The following SCNN1A variants were observed in gnomAD, a reference collection of about 807,000 sequenced individuals.
SCNN1A encodes the protein sodium channel epithelial 1 subunit alpha.
SCNN1A carries 65 observed loss-of-function variants against 68.6 expected under a neutral mutation model. The observed-to-expected ratio is 0.95, with a 90% CI of 0.78 to 1.16. The LOEUF (loss-of-function observed/expected upper bound fraction) is 1.16. SCNN1A is among the 50% of genes most tolerant of loss of function. SCNN1A has a pLI of 0.00. For synonymous variants in SCNN1A, 357 were observed against 353.3 expected (o/e 1.01, Z -0.12); for missense variants, 880 against 865.9 (o/e 1.02, Z -0.20).
chr12:6,359,094 G>A (rs1356955390), intron 4 of SCNN1A, among the ~76,000 whole-genome samples: 1 of 152,100 alleles, frequency 6.6e-6, no homozygotes, highest in Non-Finnish European at 1.5e-5. Flanking sequence ...TTGGAGGAGG[G>A]GAGAAAATGG....
At chr12:6,373,292 C>G (rs1326646434) in intron 2 of SCNN1A, among the ~76,000 whole-genome samples, 1 of 152,062 alleles carries the variant, frequency 6.6e-6, no homozygotes, top group African/African-American at 2.4e-5. Context: ...CACACACACT[C>G]ACACCCACAC....
intron 2 of SCNN1A, among the ~76,000 whole-genome samples, chr12:6,371,989 G>T (rs1023548107): frequency 1.3e-5 from 2 of 151,916 alleles, no homozygotes. Flanking sequence ...TAGAGACGGG[G>T]GTTTCACCAT....
upstream of SCNN1A, chr12:6,377,149 G>A: frequency 1.1e-6 from 1 of 922,654 alleles, no homozygotes; most frequent in South Asian, 1.6e-5. Flanking sequence ...CAGGCTCAGG[G>A]TCCAACCTGG....
At chr12:6,350,540 TA>T (rs1948366581) in intron 8 of SCNN1A, among the ~76,000 whole-genome samples, 1 of 150,784 alleles carries the variant, frequency 6.6e-6, no homozygotes, top group South Asian at 2.1e-4. Context: ...GTGTGTTATT[TA>T]AAAAAAGACA....
chr12:6,371,230 C>T (rs1469210396), intron 2 of SCNN1A, among the ~76,000 whole-genome samples: 1 of 152,026 alleles, frequency 6.6e-6, no homozygotes, highest in Admixed American at 6.5e-5. Flanking sequence ...CGGTAGGAGT[C>T]ATTCACTGCG....
In SCNN1A at chr12:6,372,219, C is replaced by T. The variant is rs1948806314; in HGVS notation, c.416+2149G>A. 6.6e-6 allele frequency among the ~76,000 whole-genome samples: 1 copy of T among 152,138 alleles called. No individual in the cohort carries two copies. Among genetic ancestry groups the T allele is most frequent in the Admixed American group, 6.6e-5 (1 of 15,266 alleles). ...ATTTCCTCTTGCCAAGCCTTAATTT[C>T]CTCATCTAAAAAAATGGGAATAATA... On this transcript the variant is annotated intron_variant, in intron 2 of 12. Coordinates refer to ENST00000228916, the MANE Select transcript of SCNN1A (RefSeq NM_001038.6). The surrounding 1 kb of genome is among the most constrained non-coding windows in gnomAD (Gnocchi z 5.8).
chr12:6,373,059 C>A (rs1565487419), intron 2 of SCNN1A, among the ~76,000 whole-genome samples: 1 of 152,114 alleles, frequency 6.6e-6, no homozygotes, highest in Non-Finnish European at 1.5e-5. Flanking sequence ...CGTCTGTGCA[C>A]ACGGCAGCTT....
At chr12:6,350,350 T>A (rs1358592266) in intron 8 of SCNN1A, among the ~76,000 whole-genome samples, 1 of 148,846 alleles carries the variant, frequency 6.7e-6, no homozygotes, top group Non-Finnish European at 1.5e-5. Context: ...GAGAATGGCG[T>A]GAACCCGGGA....
In SCNN1A at chr12:6,374,383, G is replaced by A; in HGVS notation, c.401C>T (p.Thr134Ile). The A allele has an allele frequency of 6.2e-7, 1 of 1,614,220 alleles. No homozygotes were observed. Among genetic ancestry groups the A allele is most frequent in the Non-Finnish European group, 8.5e-7 (1 of 1,180,030 alleles). ...KLVFPAVTIC[T>I]LNPYRYPEIK... is the part of the protein sequence containing the mutation. Reference sequence around the variant, plus strand: ...ACTAACCGACCTGTAGGGATTGAGGGTGCAGATGGTCACTGCGGGGAAGAC... The same window carrying A: ...ACTAACCGACCTGTAGGGATTGAGGATGCAGATGGTCACTGCGGGGAAGAC... Residue 134 changes from threonine to isoleucine, a missense_variant, in exon 2 of 13, where the codon ACC becomes ATC. Thr to Ile is a moderately conservative substitution (Grantham distance 89). This residue lies in a region of SCNN1A where 758 missense variants were observed against 721.8 expected (regional missense o/e 1.05). Transcript: ENST00000228916. The surrounding 1 kb of genome is among the most constrained non-coding windows in gnomAD (Gnocchi z 6.2).
At chr12:6,369,318 CACCTCCCTCCT>C in intron 2 of SCNN1A, among the ~76,000 whole-genome samples, 1 of 144,780 alleles carries the variant, frequency 6.9e-6, no homozygotes, top group Non-Finnish European at 1.6e-5. Context: ...CCACCCTACG[CACCTCCCTCCT>C]GCCACCCTAC....
chr12:6,351,673 G>C lies in SCNN1A; in HGVS notation c.1361-2268C>G, dbSNP rs1017773901. On this transcript the variant is annotated intron_variant, in intron 8 of 12. Transcript: ENST00000228916. The surrounding 1 kb of genome is among the most constrained non-coding windows in gnomAD (Gnocchi z 4.2). ...GATTCAGAATAGGCAAATCCATAGA[G>C]AGAGAAAGAAAGAATCGTGGTTGCC... is the stretch of plus-strand genomic sequence containing the variant. 3.9e-5 allele frequency among the ~76,000 whole-genome samples: 6 copies of C among 152,028 alleles called. No homozygotes were observed. Among genetic ancestry groups the C allele is most frequent in the African/African-American group, 1.4e-4 (6 of 41,420 alleles).
At chr12:6,375,164 T>G in intron 1 of SCNN1A, 12 of 1,459,988 alleles carry the variant, frequency 8.2e-6, no homozygotes, top group Non-Finnish European at 9.9e-6. Context: ...TTTGGTCTTC[T>G]TCCTCCAGGA....
chr12:6,361,090 A>C (rs1441460283), intron 4 of SCNN1A, among the ~76,000 whole-genome samples: 1 of 152,252 alleles, frequency 6.6e-6, no homozygotes, highest in African/African-American at 2.4e-5. Flanking sequence ...AAAAGTGCCA[A>C]AGGAGCATGG....
At chr12:6,366,963 G>C (rs1021837875) in intron 2 of SCNN1A, among the ~76,000 whole-genome samples, 2 of 152,196 alleles carry the variant, frequency 1.3e-5, no homozygotes, top group African/African-American at 4.8e-5. Flanking sequence ...AATCTGCGGG[G>C]CATGGTGGCT....
intron 4 of SCNN1A, among the ~76,000 whole-genome samples, chr12:6,359,257 T>C (rs760600795): frequency 4.6e-5 from 7 of 152,088 alleles, no homozygotes; most frequent in Admixed American, 1.3e-4. Context: ...AAATTATATC[T>C]CAATAAAAGT....
intron 4 of SCNN1A, among the ~76,000 whole-genome samples, chr12:6,358,964 C>T (rs183070925): frequency 5.3e-5 from 8 of 150,626 alleles, no homozygotes; most frequent in Admixed American, 6.6e-5. Context: ...GCTTTGAAAA[C>T]GTTATGCTAA....
At chr12:6,355,173 C>T in intron 6 of SCNN1A, 99 bp downstream of exon 6, 3 of 1,356,594 alleles carry the variant, frequency 2.2e-6, no homozygotes, top group African/African-American at 1.4e-5. Context: ...ATGCTCAAGG[C>T]CCACCCCACA....
At position 6,375,550 on chromosome 12, in the gene SCNN1A, C is replaced by CATCT; in HGVS notation, c.-101_-100insAGAT. The stretch of plus-strand genomic sequence containing the variant: ...GCTGGGGAGCCCGCCCGCTGGCCGG[C>CATCT]CAGGGATGGAAGCGACAGGAATCTC... On this transcript the variant is annotated 5_prime_UTR_variant, in exon 1 of 13. The change creates a new upstream start codon in the 5' untranslated region. Transcript: ENST00000228916. 1 of 1,534,870 alleles carries CATCT rather than the reference C, an allele frequency of 6.5e-7. No homozygotes were observed. The highest frequency in any genetic ancestry group is 8.7e-7 in the Non-Finnish European group (1 of 1,146,588).
At chr12:6,352,842 T>C (rs1190739563) in intron 8 of SCNN1A, among the ~76,000 whole-genome samples, 1 of 152,052 alleles carries the variant, frequency 6.6e-6, no homozygotes, top group Non-Finnish European at 1.5e-5. Context: ...AGGAACAAGG[T>C]AGGGATGGAC....
Sources: gnomAD v4.1 joint callset for allele counts (sites outside exome capture counted in the v4.1 genomes callset) on GRCh38, gnomAD v4.1.1 for gene constraint, gnomAD v4.1.1 regional missense constraint, Gnocchi (gnomAD v3.1) non-coding constraint, MANE v1.5 for transcripts, NCBI Gene and HGNC (gene_info 2026-07-23, HGNC 2026-07-21) for gene names.